RNF182: variants seen among roughly 807,000 people sequenced by gnomAD.
The protein encoded by RNF182 is ring finger protein 182.
RNF182 carries 15 observed loss-of-function variants against 14.4 expected under a neutral mutation model. The ratio of observed to expected loss-of-function variants is 1.04; its 90% CI spans 0.70 to 1.60. The LOEUF (loss-of-function observed/expected upper bound fraction) is 1.60. Ranked by LOEUF, RNF182 falls within the 40% of genes most tolerant of loss-of-function variation. The pLI is 0.00. For synonymous variants in RNF182, 128 were observed against 122.9 expected (o/e 1.04, Z -0.27); for missense variants, 268 against 294.8 (o/e 0.91, Z 0.67).
intron 1 of RNF182, among the ~76,000 whole-genome samples, chr6:13,968,661 G>A (rs1481586309): frequency 6.6e-6 from 1 of 152,062 alleles, no homozygotes; most frequent in East Asian, 1.9e-4. Context: ...ATTTGGGGTG[G>A]TATTCAGGCT....
chr6:13,974,980 A>G (rs954932931), intron 2 of RNF182, among the ~76,000 whole-genome samples: 1 of 152,196 alleles, frequency 6.6e-6, no homozygotes, highest in African/African-American at 2.4e-5. Context: ...CTGGGTGGGC[A>G]TGTAGCTGCA....
Position 13,978,652 on chromosome 6 carries a change from G to A in RNF182, c.*789G>A, listed in dbSNP as rs976354172. The A allele has an allele frequency of 2.4e-5, 4 of 166,960 alleles. No homozygotes were observed. The highest frequency in any genetic ancestry group is 7.2e-5 in the African/African-American group (3 of 41,416). 10.3% of individuals were successfully genotyped at this position (166,960 alleles called of 1,614,324 possible). On this transcript the variant is annotated 3_prime_UTR_variant, in exon 3 of 3. Transcript: ENST00000488300. ...ATTATTGATGAAAACCTTCATTTGA[G>A]TCTTTCCTTATAACATCTTAGTTTT... is the stretch of plus-strand genomic sequence containing the variant.
chr6:13,972,066 C>T (rs1456622271), intron 1 of RNF182, among the ~76,000 whole-genome samples: 2 of 151,616 alleles, frequency 1.3e-5, no homozygotes, highest in Non-Finnish European at 2.9e-5. Context: ...CTTGGGAGGC[C>T]AAGGCAGGCA....
intron 1 of RNF182, among the ~76,000 whole-genome samples, chr6:13,947,400 T>A (rs1361700836): frequency 6.6e-6 from 1 of 152,174 alleles, no homozygotes; most frequent in Non-Finnish European, 1.5e-5. Flanking sequence ...TAAATTTTAG[T>A]CTTATTGTAT....
At chr6:13,924,891 C>T (rs1199442156), upstream of RNF182, 1 of 139,870 alleles carries the variant, frequency 7.1e-6, no homozygotes, top group Non-Finnish European at 1.6e-5. Flanking sequence ...GGCTCAGCGC[C>T]GTAGAGACAA....
At chr6:13,933,206 C>A (rs894136883) in intron 1 of RNF182, among the ~76,000 whole-genome samples, 1 of 152,094 alleles carries the variant, frequency 6.6e-6, no homozygotes, top group Non-Finnish European at 1.5e-5. Context: ...CCAGTGCTGT[C>A]CAATATGTAC....
intron 1 of RNF182, among the ~76,000 whole-genome samples, chr6:13,964,054 A>G (rs1319229387): frequency 6.6e-6 from 1 of 152,094 alleles, no homozygotes; most frequent in African/African-American, 2.4e-5. Context: ...AGACAATCTC[A>G]GTTAAGAAAA....
intron 1 of RNF182, among the ~76,000 whole-genome samples, chr6:13,968,181 G>A (rs1760083631): frequency 6.6e-6 from 1 of 152,108 alleles, no homozygotes; most frequent in African/African-American, 2.4e-5. Context: ...CAGTAAAATA[G>A]TTTGATTAGG....
chr6:13,941,103 T>A (rs1445356867), intron 1 of RNF182, among the ~76,000 whole-genome samples: 1 of 152,110 alleles, frequency 6.6e-6, no homozygotes, highest in Non-Finnish European at 1.5e-5. Context: ...ATTGTATTGA[T>A]CAAAGTTTCT....
At chr6:13,975,002 A>G (rs1039903301) in intron 2 of RNF182, among the ~76,000 whole-genome samples, 2 of 152,162 alleles carry the variant, frequency 1.3e-5, no homozygotes, top group African/African-American at 4.8e-5. Context: ...AGAACAAATG[A>G]CATGTTCCAT....
At chr6:13,964,570 C>A (rs1018551239) in intron 1 of RNF182, among the ~76,000 whole-genome samples, 6 of 152,160 alleles carry the variant, frequency 3.9e-5, no homozygotes. Flanking sequence ...CCAACGACTC[C>A]TGGAGCCAGC....
intron 2 of RNF182, among the ~76,000 whole-genome samples, chr6:13,976,420 A>G (rs1230517881): frequency 6.6e-6 from 1 of 152,226 alleles, no homozygotes; most frequent in Non-Finnish European, 1.5e-5. Context: ...ATCTCTATCA[A>G]AGCAGTCTCT....
intron 1 of RNF182, among the ~76,000 whole-genome samples, chr6:13,929,447 C>T (rs1331316982): frequency 6.6e-6 from 1 of 152,032 alleles, no homozygotes; most frequent in African/African-American, 2.4e-5. Context: ...TTTAAATCTA[C>T]AATAAAAGGT....
intron 1 of RNF182, among the ~76,000 whole-genome samples, chr6:13,973,206 T>C (rs1760238724): frequency 6.6e-6 from 1 of 152,210 alleles, no homozygotes. Context: ...AATGGGTGTA[T>C]TTATCCAATG....
rs555067194 is a variant in RNF182, at chr6:13,953,077, T to C, written c.-366-21133T>C. On this transcript the variant is annotated intron_variant, in intron 1 of 2. Coordinates refer to ENST00000488300, the MANE Select transcript of RNF182 (RefSeq NM_152737.4). The stretch of plus-strand genomic sequence containing the variant: ...TAAGACAGGACATCAGGACATTTCC[T>C]GGGTCTGTTATTTACTGGGTTTGTT... 2.6e-5 allele frequency among the ~76,000 whole-genome samples: 4 copies of C among 152,364 alleles called. No individual in the cohort carries two copies. In the South Asian group the frequency reaches 8.3e-4, roughly 32 times the overall value.
chr6:13,951,402 C>G (rs1415972733), intron 1 of RNF182, among the ~76,000 whole-genome samples: 1 of 152,128 alleles, frequency 6.6e-6, no homozygotes, highest in Non-Finnish European at 1.5e-5. Context: ...GAGAATTAGC[C>G]CATCCCCTAT....
chr6:13,966,835 T>C lies in RNF182; in HGVS notation c.-366-7375T>C, dbSNP rs550498868. Reference sequence around the variant, plus strand: ...TGTTTTGTGTGTGTGCGCGTGCGTGTGTGTGTGTGTGTGTGTGTTTTCAAA... The same window carrying C: ...TGTTTTGTGTGTGTGCGCGTGCGTGCGTGTGTGTGTGTGTGTGTTTTCAAA... On this transcript the variant is annotated intron_variant, in intron 1 of 2. Coordinates refer to ENST00000488300, the MANE Select transcript of RNF182 (RefSeq NM_152737.4). Among the ~76,000 whole-genome samples, 722 of 137,880 alleles carry C rather than the reference T, an allele frequency of 5.2e-3. 6 individuals are homozygous for C. The highest frequency in any genetic ancestry group is 0.019 in the African/African-American group (688 of 36,996). 90.5% of individuals were successfully genotyped at this position (137,880 alleles called of 152,430 possible).
intron 1 of RNF182, among the ~76,000 whole-genome samples, chr6:13,938,004 G>GTTTTTTTTT (rs70989897): frequency 2.8e-4 from 22 of 79,596 alleles, no homozygotes; most frequent in East Asian, 4.1e-4. Context: ...TTTTCTTACT[G>GTTTTTTTTT]TTTTTTTTTT....
At chr6:13,957,802 A>G (rs1297633482) in intron 1 of RNF182, among the ~76,000 whole-genome samples, 1 of 152,222 alleles carries the variant, frequency 6.6e-6, no homozygotes, top group Non-Finnish European at 1.5e-5. Flanking sequence ...CATTTGTGGA[A>G]AATTTAAAAG....
Sources: allele counts gnomAD v4.1 joint callset (sites outside exome capture counted in the v4.1 genomes callset), GRCh38; gene constraint gnomAD v4.1.1; transcripts MANE v1.5; gene names NCBI Gene and HGNC (gene_info 2026-07-23, HGNC 2026-07-21).